DACT1: variants seen among roughly 807,000 people sequenced by gnomAD.
DACT1 encodes dishevelled binding antagonist of beta catenin 1.
In DACT1, 19 loss-of-function variants were observed where a neutral mutation model predicts 35.3. That is an observed-to-expected ratio of 0.54 (90% CI 0.38 to 0.79). The LOEUF (loss-of-function observed/expected upper bound fraction) is 0.79, where lower values mean the gene tolerates loss of function less well. DACT1 is among the 30% of genes least tolerant of loss of function. The pLI is 0.00. For missense variants in DACT1, 1,143 were observed against 1,057.5 expected (o/e 1.08, Z -1.12); for synonymous variants, 545 against 466.7 (o/e 1.17, Z -2.16).
chr14:58,645,557 G>C lies in DACT1; in HGVS notation c.823G>C (p.Asp275His), dbSNP rs1302290392. The change falls in exon 4 of 4, where the codon GAT becomes CAT. Residue 275 changes from aspartate to histidine, a missense_variant. Physicochemically the swap from Asp to His is moderately conservative, Grantham distance 81 (BLOSUM62 -1). Transcript: ENST00000395153. ...TGACATTTGCGGTGGATCTGAGCTA[G>C]ATGCCGTCAAAACAGACAGTTCCTT... ...ASDICGGSEL[D>H]AVKTDSSLPS... 6.2e-7 allele frequency: 1 copy of C among 1,614,212 alleles called. No individual in the cohort carries two copies. The highest frequency in any genetic ancestry group is 8.5e-7 in the Non-Finnish European group (1 of 1,180,042).
At chr14:58,641,510 A>G in intron 2 of DACT1, 82 bp from the exon 3 acceptor site, 4 of 1,456,890 alleles carry the variant, frequency 2.7e-6, no homozygotes, top group Non-Finnish European at 3.7e-6. Flanking sequence ...CTTTTCCTAA[A>G]TGATTATTCA....
chr14:58,639,794 C>T (rs770820903), intron 1 of DACT1, among the ~76,000 whole-genome samples: 3 of 152,122 alleles, frequency 2.0e-5, no homozygotes, highest in East Asian at 1.9e-4. Flanking sequence ...TACTGTGCTG[C>T]TTCGGTCACA....
rs1179684248 is a variant in DACT1, at chr14:58,646,575, A to G, written c.1841A>G (p.His614Arg). 1 of 1,569,710 alleles carries G rather than the reference A, an allele frequency of 6.4e-7. No individual in the cohort carries two copies. The highest frequency in any genetic ancestry group is 1.9e-5 in the Admixed American group (1 of 52,114). Residue 614 changes from histidine (H) to arginine (R), a missense_variant, in exon 4 of 4, where the codon CAC (histidine) becomes CGC (arginine). Physicochemically the swap from His to Arg is conservative, Grantham distance 29. Coordinates refer to ENST00000395153, the MANE Select transcript of DACT1 (RefSeq NM_001079520.2). ...GVPGRPAGGG[H>R]RAGSRAHGHG... ...CCCGGCAGGCCCGCGGGCGGGGGCCACAGGGCGGGGAGCAGGGCGCATGGC... is the reference window on the plus strand; with the variant it reads ...CCCGGCAGGCCCGCGGGCGGGGGCCGCAGGGCGGGGAGCAGGGCGCATGGC...
chr14:58,646,355 G>A lies in DACT1; in HGVS notation c.1621G>A (p.Val541Ile), dbSNP rs1426512895. 1.9e-6 allele frequency: 3 copies of A among 1,606,468 alleles called. No individual in the cohort carries two copies. The highest frequency in any genetic ancestry group is 2.5e-6 in the Non-Finnish European group (3 of 1,178,170). The change falls in exon 4 of 4, where the codon GTC becomes ATC. Residue 541 changes from valine to isoleucine, a missense_variant. Val to Ile is a conservative substitution (Grantham distance 29). This residue lies in a region of DACT1 where 1,054 missense variants were observed against 958.8 expected (regional missense o/e 1.10). Transcript: ENST00000395153. Reference protein sequence around the residue: ...RLHRGHRNMGVVKNSSLKHRG... With the variant: ...RLHRGHRNMGIVKNSSLKHRG... ...CCACCGGGGCCACAGGAACATGGGC[G>A]TCGTGAAGAACTCCAGCCTGAAGCA...
chr14:58,638,906 A>T, intron 1 of DACT1: 1 of 1,018,680 alleles, frequency 9.8e-7, no homozygotes. Flanking sequence ...GCGGTTTGCA[A>T]ACTCCCACTT....
chr14:58,646,591 G>T lies in DACT1; in HGVS notation c.1857G>T (p.Arg619Ser). ...GCGGGGGCCACAGGGCGGGGAGCAG[G>T]GCGCATGGCCACGGACGGGAGGCGG... ...PAGGGHRAGS[R>S]AHGHGREAVV... The change falls in exon 4 of 4, where the codon AGG (arginine) becomes AGT (serine). Residue 619 changes from arginine to serine, a missense_variant. By Grantham distance (110) the Arg-to-Ser change is moderately radical. Around this residue, in one of 3 missense-constraint regions of DACT1, gnomAD observed 1,054 missense variants for 958.8 expected, o/e 1.10. Transcript: ENST00000395153. The T allele has an allele frequency of 6.3e-7, 1 of 1,586,684 alleles. No homozygotes were observed. Among genetic ancestry groups the T allele is most frequent in the Non-Finnish European group, 8.6e-7 (1 of 1,166,810 alleles).
At position 58,645,655 on chromosome 14, in the gene DACT1, C is replaced by T; in HGVS notation, c.921C>T (p.Ser307=). 6.2e-7 allele frequency: 1 copy of T among 1,614,200 alleles called. No homozygotes were observed. The highest frequency in any genetic ancestry group is 8.5e-7 in the Non-Finnish European group (1 of 1,180,042). The stretch of plus-strand genomic sequence containing the variant: ...AGAAAATGGATGGCTACATTCTGAG[C>T]CTGGTCCAGAAAAAAACACACCCTG... ...SSKKMDGYIL[S]LVQKKTHPVR... Residue 307 remains serine, a synonymous_variant, in exon 4 of 4, where the codon AGC becomes AGT. Transcript: ENST00000395153.
intron 3 of DACT1, among the ~76,000 whole-genome samples, chr14:58,643,567 T>C (rs1414211155): frequency 6.6e-6 from 1 of 152,188 alleles, no homozygotes; most frequent in Non-Finnish European, 1.5e-5. Context: ...TGGTAATTGC[T>C]CCCCTTCATT....
At chr14:58,635,597 G>A (rs2047567817), upstream of DACT1, among the ~76,000 whole-genome samples, 1 of 150,080 alleles carries the variant, frequency 6.7e-6, no homozygotes, top group Admixed American at 6.7e-5. Flanking sequence ...TAAACTTGCT[G>A]AGAACACTTT....
At position 58,646,667 on chromosome 14, in the gene DACT1, TCGG is replaced by T. The variant is rs1371168825; in HGVS notation, c.1935_1937del (p.Ala646del). 6.2e-7 allele frequency: 1 copy of T among 1,612,134 alleles called. No individual in the cohort carries two copies. The highest frequency in any genetic ancestry group is 1.3e-5 in the African/African-American group (1 of 74,858). Reference sequence around the variant, plus strand: ...AACTGACTACCGGCGGTGGAAGTCCTCGGCCGAGATTTCCTACGAAGAGGCCCT... The same window carrying T: ...AACTGACTACCGGCGGTGGAAGTCCTCCGAGATTTCCTACGAAGAGGCCCT... On this transcript the variant is annotated inframe_deletion, in exon 4 of 4. Coordinates refer to ENST00000395153, the MANE Select transcript of DACT1 (RefSeq NM_001079520.2).
intron 1 of DACT1, chr14:58,638,873 G>A: frequency 9.4e-7 from 1 of 1,068,884 alleles, no homozygotes; most frequent in Non-Finnish European, 1.1e-6. Flanking sequence ...TCCTTAGTTA[G>A]ATGAGTATAT....
chr14:58,646,589 A>T lies in DACT1; in HGVS notation c.1855A>T (p.Arg619Trp). 1 of 1,584,870 alleles carries T rather than the reference A, an allele frequency of 6.3e-7. No individual in the cohort carries two copies. Among genetic ancestry groups the T allele is most frequent in the Non-Finnish European group, 8.6e-7 (1 of 1,165,846 alleles). The change falls in exon 4 of 4, where the codon AGG (arginine) becomes TGG (tryptophan). Residue 619 changes from arginine (R) to tryptophan (W), a missense_variant. Physicochemically the swap from Arg to Trp is moderately radical, Grantham distance 101 (BLOSUM62 -3). Around this residue, in one of 3 missense-constraint regions of DACT1, gnomAD observed 1,054 missense variants for 958.8 expected, o/e 1.10. Transcript: ENST00000395153. ...GGGCGGGGGCCACAGGGCGGGGAGCAGGGCGCATGGCCACGGACGGGAGGC... is the reference window on the plus strand; with the variant it reads ...GGGCGGGGGCCACAGGGCGGGGAGCTGGGCGCATGGCCACGGACGGGAGGC... The part of the protein sequence containing the change: ...PAGGGHRAGS[R>W]AHGHGREAVV...
chr14:58,641,172 T>G (rs1216266572), intron 2 of DACT1, among the ~76,000 whole-genome samples: 1 of 152,096 alleles, frequency 6.6e-6, no homozygotes, highest in Non-Finnish European at 1.5e-5. Flanking sequence ...GGCTAGAAAA[T>G]TAGTCACACT....
At chr14:58,644,869 A>C (rs1319058400) in intron 3 of DACT1, among the ~76,000 whole-genome samples, 2 of 152,264 alleles carry the variant, frequency 1.3e-5, no homozygotes, top group Non-Finnish European at 2.9e-5. Context: ...TCATTCTGAA[A>C]TACTACTACT....
Position 58,645,707 on chromosome 14 carries a change from G to A in DACT1, c.973G>A (p.Val325Met), listed in dbSNP as rs200570611. The change falls in exon 4 of 4, where the codon GTG becomes ATG. Residue 325 changes from valine (V) to methionine (M), a missense_variant. This residue lies in a region of DACT1 where 1,054 missense variants were observed against 958.8 expected (regional missense o/e 1.10). Coordinates refer to ENST00000395153, the MANE Select transcript of DACT1 (RefSeq NM_001079520.2). ...AAGGACCAACAAACCAAGAACCAGC[G>A]TGAACGCTGACCCCACGAAAGGGCT... ...PVRTNKPRTS[V>M]NADPTKGLLR... 3.7e-6 allele frequency: 6 copies of A among 1,614,232 alleles called. No homozygotes were observed. The African/African-American group carries it at 6.7e-5, about 18-fold the overall frequency.
rs746744825 is a variant in DACT1, at chr14:58,646,834, C to T, written c.2100C>T (p.Thr700=). 7 of 1,614,122 alleles carry T rather than the reference C, an allele frequency of 4.3e-6. No individual in the cohort carries two copies. The highest frequency in any genetic ancestry group is 4.5e-5 in the East Asian group (2 of 44,870). The change falls in exon 4 of 4, where the codon ACC becomes ACT. Residue 700 remains threonine, a synonymous_variant. Coordinates refer to ENST00000395153, the MANE Select transcript of DACT1 (RefSeq NM_001079520.2). ...AGTGCGAGTCCCTGTTCCACTCCAC[C>T]GTGGTGGACACCAGTGAGGACGAGC... ...SAECESLFHS[T]VVDTSEDEQS...
In DACT1 at chr14:58,638,146, C is replaced by CT. The variant is rs1798782063; in HGVS notation, c.-56dup. ...CCGCGGCCGCAGCCCTAGCGCCCTG[C>CT]TCCTCCGCCTGGGCGGCCCGGCTGC... is the stretch of plus-strand genomic sequence containing the variant. On this transcript the variant is annotated 5_prime_UTR_variant, in exon 1 of 4. It removes the in-frame stop codon of an upstream open reading frame in the 5' UTR. Transcript: ENST00000395153. 2.5e-5 allele frequency: 32 copies of CT among 1,257,378 alleles called. No homozygotes were observed. Among genetic ancestry groups the CT allele is most frequent in the Non-Finnish European group, 3.2e-5 (32 of 1,001,310 alleles). 77.9% of individuals were successfully genotyped at this position (1,257,378 alleles called of 1,614,324 possible).
intron 1 of DACT1, 181 bp downstream of exon 1, chr14:58,638,728 C>G (rs2047599561): frequency 8.5e-7 from 1 of 1,179,820 alleles, no homozygotes; most frequent in Non-Finnish European, 1.1e-6. Flanking sequence ...TGTGGGCTGC[C>G]GACGCCCACG....
At chr14:58,638,867 T>G in intron 1 of DACT1, 5 of 1,071,284 alleles carry the variant, frequency 4.7e-6, no homozygotes, top group Non-Finnish European at 5.6e-6. Context: ...TCGGTCTCCT[T>G]AGTTAGATGA....
Sources: gnomAD v4.1 joint callset for allele counts (sites outside exome capture counted in the v4.1 genomes callset) on GRCh38, gnomAD v4.1.1 for gene constraint, gnomAD v4.1.1 regional missense constraint, MANE v1.5 for transcripts, NCBI Gene and HGNC (gene_info 2026-07-23, HGNC 2026-07-21) for gene names.